The following WNK2 variants were observed in gnomAD, a reference collection of about 807,000 sequenced individuals.
The protein encoded by WNK2 is serine/threonine-protein kinase WNK2.
A neutral mutation model predicts 192.1 loss-of-function variants in WNK2; 67 were observed. That is an observed-to-expected ratio of 0.35 (90% CI 0.29 to 0.43). The LOEUF is 0.43. Among genes scored for constraint, WNK2 ranks in the 20% least tolerant of loss-of-function variants. WNK2 has a pLI of 1.00. For missense variants in WNK2, 2,698 were observed against 3,089.7 expected, an observed-to-expected ratio of 0.87 and a Z score of 3.01; for synonymous variants, 1,439 against 1,393.9, an observed-to-expected ratio of 1.03 and a Z score of -0.72.
At chr9:93,232,265 G>A (rs2132070863) in intron 4 of WNK2, among the ~76,000 whole-genome samples, 1 of 152,336 alleles carries the variant, frequency 6.6e-6, no homozygotes, top group Admixed American at 6.5e-5. Context: ...GGGGCAAGGT[G>A]GCTGCCCGGG....
In WNK2 at chr9:93,247,380, A is replaced by T. The variant is rs1355954039; in HGVS notation, c.1543-163A>T. Among the ~76,000 whole-genome samples, 3 of 152,182 alleles carry T rather than the reference A, an allele frequency of 2.0e-5. No individual in the cohort carries two copies. The highest frequency in any genetic ancestry group is 4.4e-5 in the Non-Finnish European group (3 of 68,032). On this transcript the variant is annotated intron_variant, in intron 7 of 29. Coordinates refer to ENST00000427277, the MANE Select transcript of WNK2 (RefSeq NM_006648.4). This position sits in a 1 kb window ranked among gnomAD's most constrained non-coding sequence, Gnocchi z 5.2. The stretch of plus-strand genomic sequence containing the variant: ...TTGCCTTGCCTGGCAAACCCCTGCC[A>T]TGCCATCTCTGAGCTGTCCCCGCGG...
intron 26 of WNK2, chr9:93,300,419 C>A (rs1851396176): frequency 2.8e-6 from 1 of 354,126 alleles, no homozygotes; most frequent in African/African-American, 2.1e-5. Flanking sequence ...GGCCTGCCTT[C>A]CGCCCCGGGC....
intron 19 of WNK2, among the ~76,000 whole-genome samples, chr9:93,283,899 A>G (rs1848077302): frequency 6.6e-6 from 1 of 152,194 alleles, no homozygotes; most frequent in Non-Finnish European, 1.5e-5. Context: ...CAAGGAAGCA[A>G]ATGGATGCTG....
chr9:93,305,687 A>G (rs1288386316), intron 26 of WNK2, among the ~76,000 whole-genome samples: 1 of 152,248 alleles, frequency 6.6e-6, no homozygotes, highest in African/African-American at 2.4e-5. Context: ...CCCCCGAGGC[A>G]GGAGGCATGA....
chr9:93,306,936 C>A, intron 27 of WNK2, 115 bp downstream of exon 27: 1 of 1,322,230 alleles, frequency 7.6e-7, no homozygotes, highest in Non-Finnish European at 1.1e-6. Context: ...TGTGCCTGCC[C>A]CGCGCCTGCT....
At position 93,259,198 on chromosome 9, in the gene WNK2, A is replaced by G. The variant is rs1380978389; in HGVS notation, c.2650A>G (p.Ile884Val). ...RTIVPNAPAT[I>V]PLLAVAPPGV... Reference sequence around the variant, plus strand: ...CATTGTGCCAAATGCACCGGCCACTATCCCCCTGCTGGCCGTAGCCCCACC... The same window carrying G: ...CATTGTGCCAAATGCACCGGCCACTGTCCCCCTGCTGGCCGTAGCCCCACC... The change falls in exon 12 of 30, where the codon ATC becomes GTC. Residue 884 changes from isoleucine to valine, a missense_variant. Ile to Val is a conservative substitution (Grantham distance 29, BLOSUM62 3). This residue lies in a region of WNK2 where 893 missense variants were observed against 909.0 expected (regional missense o/e 0.98). Coordinates refer to ENST00000427277, the MANE Select transcript of WNK2 (RefSeq NM_006648.4). The surrounding 1 kb of genome is among the most constrained non-coding windows in gnomAD (Gnocchi z 4.8). 5 of 1,611,924 alleles carry G rather than the reference A, an allele frequency of 3.1e-6. No individual in the cohort carries two copies. Among genetic ancestry groups the G allele is most frequent in the Non-Finnish European group, 4.2e-6 (5 of 1,179,544 alleles).
At chr9:93,218,224 C>T (rs2131712635) in intron 2 of WNK2, among the ~76,000 whole-genome samples, 1 of 152,306 alleles carries the variant, frequency 6.6e-6, no homozygotes, top group East Asian at 1.9e-4. Flanking sequence ...CAGGATTCCA[C>T]AGGCCTTGCC....
At chr9:93,283,461 G>T (rs965342753) in intron 19 of WNK2, among the ~76,000 whole-genome samples, 1 of 152,262 alleles carries the variant, frequency 6.6e-6, no homozygotes, top group South Asian at 2.1e-4. Context: ...GGATGAAAAG[G>T]GGGAGACACT....
chr9:93,292,405 G>A lies in WNK2; in HGVS notation c.5025+9G>A, dbSNP rs755459048. The A allele has an allele frequency of 2.8e-5, 45 of 1,613,796 alleles. No homozygotes were observed. The highest frequency in any genetic ancestry group is 4.0e-5 in the African/African-American group (3 of 74,922). On this transcript the variant is annotated intron_variant, in intron 22 of 29. Transcript: ENST00000427277. ...TCCCCAGCGTCCCCCAGGTAAGGGC[G>A]ACTTGACGACCCCCTGGCTGGTTGG...
At chr9:93,228,467 T>C (rs1423974721) in intron 2 of WNK2, among the ~76,000 whole-genome samples, 1 of 152,198 alleles carries the variant, frequency 6.6e-6, no homozygotes, top group Non-Finnish European at 1.5e-5. Context: ...CCCGGAATTT[T>C]GCTCTTCTGT....
chr9:93,242,853 G>T (rs1284292761), intron 7 of WNK2, among the ~76,000 whole-genome samples: 1 of 152,248 alleles, frequency 6.6e-6, no homozygotes, highest in African/African-American at 2.4e-5. Flanking sequence ...CCAAGGGCAA[G>T]GATAGGAGGA....
chr9:93,273,079 G>A (rs1396321960), intron 19 of WNK2, among the ~76,000 whole-genome samples: 1 of 152,216 alleles, frequency 6.6e-6, no homozygotes, highest in Non-Finnish European at 1.5e-5. Flanking sequence ...ATGCTGGGTT[G>A]CCTGTTTTAA....
At chr9:93,203,575 G>A (rs773120281) in intron 2 of WNK2, among the ~76,000 whole-genome samples, 1 of 152,202 alleles carries the variant, frequency 6.6e-6, no homozygotes, top group Non-Finnish European at 1.5e-5. Flanking sequence ...GTCTGTGGAC[G>A]TGCCACTGCA....
At chr9:93,241,341 C>T (rs1372731856) in intron 7 of WNK2, among the ~76,000 whole-genome samples, 4 of 152,226 alleles carry the variant, frequency 2.6e-5, no homozygotes, top group Non-Finnish European at 4.4e-5. Flanking sequence ...AAGAAAGTTG[C>T]GCATTTGCAG....
rs552669690 is a variant in WNK2 at position 93,291,171 on chromosome 9, G to A, written c.4936+1124G>A. Among the ~76,000 whole-genome samples the A allele has an allele frequency of 4.6e-5, 7 of 152,282 alleles. No homozygotes were observed. In the South Asian group the frequency reaches 1.5e-3, roughly 32 times the overall value. On this transcript the variant is annotated intron_variant, in intron 21 of 29. Coordinates refer to ENST00000427277, the MANE Select transcript of WNK2 (RefSeq NM_006648.4). ...AGAAGCAAGAGCATCTTCCCAAAAG[G>A]GTGGAAATGAGAGGTTGTGTTGGAG...
chr9:93,310,204 C>G (rs1246930368), intron 28 of WNK2, among the ~76,000 whole-genome samples: 1 of 152,200 alleles, frequency 6.6e-6, no homozygotes, highest in Non-Finnish European at 1.5e-5. Context: ...TACACCTCCG[C>G]CAGTCTGAGT....
At chr9:93,226,284 C>T (rs942483402) in intron 2 of WNK2, among the ~76,000 whole-genome samples, 10 of 152,222 alleles carry the variant, frequency 6.6e-5, no homozygotes, top group African/African-American at 2.4e-4. Context: ...AATCGTTCTC[C>T]TTCCAGCTCA....
At chr9:93,184,434 G>A (rs1276067451) in intron 1 of WNK2, among the ~76,000 whole-genome samples, 49 bp downstream of exon 1, 1 of 151,516 alleles carries the variant, frequency 6.6e-6, no homozygotes, top group Non-Finnish European at 1.5e-5. Context: ...TTGTGTGCGC[G>A]CCGCGGCGCT....
At chr9:93,290,174 T>C (rs1849107865) in intron 21 of WNK2, 127 bp downstream of exon 21, 1 of 802,260 alleles carries the variant, frequency 1.2e-6, no homozygotes. Context: ...AAGATCCTTT[T>C]ATCTGTAAGG....
Sources: gnomAD v4.1 joint callset for allele counts (sites outside exome capture counted in the v4.1 genomes callset) on GRCh38, gnomAD v4.1.1 for gene constraint, gnomAD v4.1.1 regional missense constraint, Gnocchi (gnomAD v3.1) non-coding constraint, MANE v1.5 for transcripts, NCBI Gene and HGNC (gene_info 2026-07-23, HGNC 2026-07-21) for gene names.